Variants in PCDH15 observed in about 807,000 individuals in gnomAD.
The protein encoded by PCDH15 is protocadherin-15.
PCDH15 carries 129 observed loss-of-function variants against 178.5 expected under a neutral mutation model. The observed-to-expected ratio is 0.72, with a 90% CI of 0.63 to 0.84. The LOEUF (loss-of-function observed/expected upper bound fraction) is 0.84, where lower values mean the gene tolerates loss of function less well. PCDH15 is among the 40% of genes least tolerant of loss of function. The pLI is 0.00. For missense variants in PCDH15, 2,230 were observed against 2,099.9 expected, an observed-to-expected ratio of 1.06 and a Z score of -1.21; for synonymous variants, 800 against 732.0, an observed-to-expected ratio of 1.09 and a Z score of -1.50.
chr10:54,487,222 TA>T (rs2079173313), intron 3 of PCDH15, among the ~76,000 whole-genome samples: 1 of 152,192 alleles, frequency 6.6e-6, no homozygotes, highest in South Asian at 2.1e-4. Context: ...GCCATAATCT[TA>T]AGTGAAACAA....
intron 18 of PCDH15, among the ~76,000 whole-genome samples, chr10:54,025,009 CA>C (rs1438457845): frequency 6.6e-6 from 1 of 151,868 alleles, no homozygotes; most frequent in Admixed American, 6.6e-5. Context: ...ATCTTAAGAT[CA>C]AAAAAACTAA....
intron 2 of PCDH15, among the ~76,000 whole-genome samples, chr10:55,017,488 A>C (rs552091989): frequency 1.3e-5 from 2 of 152,300 alleles, no homozygotes; most frequent in South Asian, 2.1e-4. Flanking sequence ...AAGATGAGAT[A>C]ATTGCTAATT....
At chr10:54,638,628 T>C (rs2093917788) in intron 2 of PCDH15, among the ~76,000 whole-genome samples, 1 of 152,126 alleles carries the variant, frequency 6.6e-6, no homozygotes, top group Non-Finnish European at 1.5e-5. Context: ...AATTTTTATT[T>C]ATTTCTCAAA....
At chr10:54,889,399 A>G (rs1954419224) in intron 3 of PCDH15, among the ~76,000 whole-genome samples, 1 of 151,536 alleles carries the variant, frequency 6.6e-6, no homozygotes, top group African/African-American at 2.4e-5. Flanking sequence ...TTAAAAATTC[A>G]ACCTTTCCCC....
chr10:54,765,118 C>T (rs1296457996), intron 1 of PCDH15, among the ~76,000 whole-genome samples: 1 of 151,982 alleles, frequency 6.6e-6, no homozygotes, highest in African/African-American at 2.4e-5. Flanking sequence ...TGTTTTTCTC[C>T]ACTGCTTTAA....
chr10:54,568,018 C>A (rs1417168849), intron 2 of PCDH15, among the ~76,000 whole-genome samples: 3 of 152,090 alleles, frequency 2.0e-5, no homozygotes, highest in African/African-American at 7.2e-5. Context: ...AAAAATAAAA[C>A]CTTGGGCCCA....
At chr10:54,529,420 G>A (rs1290149514) in intron 2 of PCDH15, among the ~76,000 whole-genome samples, 2 of 151,944 alleles carry the variant, frequency 1.3e-5, no homozygotes, top group Non-Finnish European at 2.9e-5. Context: ...TTCCTTTCAT[G>A]AGAATGATTT....
chr10:55,476,129 C>T (rs1236348873), intron 2 of PCDH15, among the ~76,000 whole-genome samples: 1 of 152,106 alleles, frequency 6.6e-6, no homozygotes, highest in Non-Finnish European at 1.5e-5. Context: ...AGTAGAGGCT[C>T]AATAAGTACA....
chr10:53,952,079 T>C (rs943032005), intron 23 of PCDH15, among the ~76,000 whole-genome samples: 3 of 152,174 alleles, frequency 2.0e-5, no homozygotes, highest in Admixed American at 6.5e-5. Context: ...AAAGACGGTG[T>C]CATAGCCCTG....
chr10:55,481,068 T>G (rs1205012850), intron 2 of PCDH15, among the ~76,000 whole-genome samples: 2 of 151,620 alleles, frequency 1.3e-5, no homozygotes, highest in East Asian at 3.9e-4. Context: ...GTCTTAGGTG[T>G]GTGTATGTGT....
At chr10:54,414,523 G>T (rs1326681996) in intron 3 of PCDH15, among the ~76,000 whole-genome samples, 1 of 152,056 alleles carries the variant, frequency 6.6e-6, no homozygotes, top group Non-Finnish European at 1.5e-5. Context: ...CATTTATTTT[G>T]AAATTAAATT....
chr10:54,098,678 A>T (rs560028011), intron 15 of PCDH15, among the ~76,000 whole-genome samples: 4 of 152,230 alleles, frequency 2.6e-5, no homozygotes, highest in African/African-American at 7.2e-5. Flanking sequence ...TGTGCATAGT[A>T]GTATTTGGCC....
chr10:53,908,102 A>G (rs541367794), intron 25 of PCDH15, among the ~76,000 whole-genome samples: 1 of 152,184 alleles, frequency 6.6e-6, no homozygotes, highest in Non-Finnish European at 1.5e-5. Context: ...AGTGTTCTCA[A>G]CTGGGATCAA....
At chr10:55,130,599 G>A (rs928513766) in intron 2 of PCDH15, among the ~76,000 whole-genome samples, 1 of 151,750 alleles carries the variant, frequency 6.6e-6, no homozygotes, top group African/African-American at 2.4e-5. Flanking sequence ...TCATAGGTAA[G>A]GTGGAAATAA....
chr10:54,767,540 G>C (rs1948655337), intron 1 of PCDH15, among the ~76,000 whole-genome samples: 1 of 149,758 alleles, frequency 6.7e-6, no homozygotes, highest in East Asian at 1.9e-4. Flanking sequence ...AGTACAGTAT[G>C]GGAAGGGGGA....
At chr10:55,416,332 C>G (rs1241756678) in intron 2 of PCDH15, among the ~76,000 whole-genome samples, 5 of 151,674 alleles carry the variant, frequency 3.3e-5, no homozygotes, top group Non-Finnish European at 7.4e-5. Flanking sequence ...GATGAATAAG[C>G]AATGATAACC....
intron 1 of PCDH15, among the ~76,000 whole-genome samples, chr10:54,724,482 CAATAT>C: frequency 6.6e-6 from 1 of 151,176 alleles, no homozygotes; most frequent in South Asian, 2.1e-4. Flanking sequence ...AACCAATATA[CAATAT>C]AATTATGTAA....
At chr10:55,451,778 T>C (rs1839440440) in intron 2 of PCDH15, among the ~76,000 whole-genome samples, 1 of 152,154 alleles carries the variant, frequency 6.6e-6, no homozygotes, top group Non-Finnish European at 1.5e-5. Context: ...AAAAGCCAAA[T>C]ACAAAGTGTG....
chr10:55,222,730 C>CACACACACATAT, intron 1 of PCDH15, among the ~76,000 whole-genome samples: 9 of 121,274 alleles, frequency 7.4e-5, no homozygotes, highest in Non-Finnish European at 1.4e-4. Flanking sequence ...CACACACACA[C>CACACACACATAT]ATATATATAT....
Sources: gnomAD v4.1 joint callset for allele counts (sites outside exome capture counted in the v4.1 genomes callset) on GRCh38, gnomAD v4.1.1 for gene constraint, MANE v1.5 for transcripts, NCBI Gene and HGNC (gene_info 2026-07-23, HGNC 2026-07-21) for gene names.